BUD13: variants seen among roughly 807,000 people sequenced by gnomAD.
BUD13 encodes BUD13 spliceosome associated protein.
In BUD13, 47 loss-of-function variants were observed where a neutral mutation model predicts 62.5. That is an observed-to-expected ratio of 0.75 (90% CI 0.60 to 0.96). The LOEUF is 0.96. Ranked by LOEUF, BUD13 falls within the 40% of genes least tolerant of loss-of-function variation. The probability of loss-of-function intolerance (pLI) is 0.00; values close to 1 mark genes in which losing one functional copy is unlikely to be tolerated. For missense variants in BUD13, 821 were observed against 790.9 expected (o/e 1.04, Z -0.46); for synonymous variants, 293 against 280.1 (o/e 1.05, Z -0.46).
intron 3 of BUD13, among the ~76,000 whole-genome samples, chr11:116,764,937 A>G (rs1310815514): frequency 6.6e-6 from 1 of 152,162 alleles, no homozygotes; most frequent in East Asian, 1.9e-4. Flanking sequence ...ACTAACACAA[A>G]CAGAACAAAA....
At chr11:116,772,790 C>T (rs749338680) in intron 1 of BUD13, 32 bp downstream of exon 1, 2 of 1,507,906 alleles carry the variant, frequency 1.3e-6, no homozygotes, top group Admixed American at 2.0e-5. Context: ...GGCTAGACGT[C>T]GCAGGCCCCG....
chr11:116,761,354 GA>G (rs1414115736), intron 4 of BUD13, among the ~76,000 whole-genome samples: 1 of 152,120 alleles, frequency 6.6e-6, no homozygotes, highest in African/African-American at 2.4e-5. Flanking sequence ...CCTGGCCAAA[GA>G]GTTCTTTAAT....
chr11:116,768,723 G>GC (rs968841124), intron 2 of BUD13, among the ~76,000 whole-genome samples: 18 of 151,766 alleles, frequency 1.2e-4, no homozygotes, highest in Non-Finnish European at 2.6e-4. Context: ...CTGGGAATTG[G>GC]CCAGGTGCAG....
chr11:116,752,507 C>T (rs1325415845), intron 9 of BUD13, among the ~76,000 whole-genome samples: 1 of 149,244 alleles, frequency 6.7e-6, no homozygotes, highest in East Asian at 2.0e-4. Flanking sequence ...TAAAAAAAAA[C>T]TAGGTCAGGG....
At chr11:116,759,734 G>A (rs958636379) in intron 5 of BUD13, among the ~76,000 whole-genome samples, 12 of 152,178 alleles carry the variant, frequency 7.9e-5, no homozygotes, top group African/African-American at 2.7e-4. Flanking sequence ...ATATTAAGTT[G>A]TCCATGAACT....
intron 9 of BUD13, among the ~76,000 whole-genome samples, chr11:116,755,950 T>C (rs1045083646): frequency 3.9e-5 from 6 of 152,156 alleles, no homozygotes; most frequent in African/African-American, 1.2e-4. Flanking sequence ...GGCTCAAGCG[T>C]GTAATCCCAG....
chr11:116,757,334 T>G, intron 8 of BUD13, 107 bp from the exon 9 acceptor site: 1 of 1,011,796 alleles, frequency 9.9e-7, no homozygotes, highest in Non-Finnish European at 1.5e-6. Context: ...CTCACTCTGT[T>G]GCCCAGGCTG....
At chr11:116,754,114 C>T (rs1940285925) in intron 9 of BUD13, among the ~76,000 whole-genome samples, 1 of 152,222 alleles carries the variant, frequency 6.6e-6, no homozygotes, top group Non-Finnish European at 1.5e-5. Context: ...GGTGCAATCA[C>T]AGCACATTGC....
intron 4 of BUD13, among the ~76,000 whole-genome samples, chr11:116,762,130 C>T (rs1027335101): frequency 8.5e-5 from 13 of 152,078 alleles, no homozygotes; most frequent in African/African-American, 2.9e-4. Context: ...AGGAAGACTA[C>T]GTTAAGAAAG....
At chr11:116,750,845 G>A (rs573445868) in intron 9 of BUD13, among the ~76,000 whole-genome samples, 5 of 152,226 alleles carry the variant, frequency 3.3e-5, no homozygotes, top group African/African-American at 4.8e-5. Flanking sequence ...CTGTGATCAC[G>A]GTCTGCCAAC....
Position 116,758,201 on chromosome 11 carries a change from C to G in BUD13, c.1499+68G>C. On this transcript the variant is annotated intron_variant, in intron 7 of 9. Coordinates refer to ENST00000260210, the MANE Select transcript of BUD13 (RefSeq NM_032725.4). Reference sequence around the variant, plus strand: ...AAGGCATAATAAGAAAGTGAGTGATCAGAAGAGCAGAGAAATGACTTGTTC... The same window carrying G: ...AAGGCATAATAAGAAAGTGAGTGATGAGAAGAGCAGAGAAATGACTTGTTC... 1.9e-6 allele frequency: 3 copies of G among 1,587,864 alleles called. No homozygotes were observed. The South Asian group carries it at 3.4e-5, about 18-fold the overall frequency.
chr11:116,749,438 G>A (rs1401905345), intron 9 of BUD13, among the ~76,000 whole-genome samples: 1 of 152,182 alleles, frequency 6.6e-6, no homozygotes. Flanking sequence ...GGTGACATGA[G>A]GGTTGGGCAA....
chr11:116,757,681 C>G (rs1372203266), intron 8 of BUD13, 85 bp downstream of exon 8: 3 of 1,347,466 alleles, frequency 2.2e-6, no homozygotes, highest in Non-Finnish European at 3.1e-6. Flanking sequence ...TTGGGAAATC[C>G]TTCTTTGCAT....
intron 5 of BUD13, among the ~76,000 whole-genome samples, chr11:116,760,401 T>C (rs959123221): frequency 6.6e-6 from 1 of 152,254 alleles, no homozygotes; most frequent in African/African-American, 2.4e-5. Context: ...TTTGACACAA[T>C]GCTTGTGCTC....
At chr11:116,751,148 C>T (rs1488043372) in intron 9 of BUD13, among the ~76,000 whole-genome samples, 1 of 152,212 alleles carries the variant, frequency 6.6e-6, no homozygotes, top group Non-Finnish European at 1.5e-5. Flanking sequence ...TCTATAGTAA[C>T]ACTAACCAAA....
chr11:116,760,136 C>T (rs1269011225), intron 5 of BUD13, among the ~76,000 whole-genome samples: 8 of 152,172 alleles, frequency 5.3e-5, no homozygotes, highest in Non-Finnish European at 1.2e-4. Context: ...AAGTGCCTCT[C>T]CTTAAGCTCT....
At position 116,758,304 on chromosome 11, in the gene BUD13, T is replaced by A. The variant is rs1480306356; in HGVS notation, c.1464A>T (p.Ser488=). Residue 488 remains serine, a synonymous_variant, in exon 7 of 10, where the codon TCA becomes TCT. Transcript: ENST00000260210. The part of the protein sequence containing the change: ...LEQRRKAEKD[S]ERDELYAQWG... ...ACTGGGCATACAGCTCATCTCTCTC[T>A]GAGTCCTTTTCTGCTTTCCTCCTTT... 1 of 1,614,120 alleles carries A rather than the reference T, an allele frequency of 6.2e-7. No individual in the cohort carries two copies. The highest frequency in any genetic ancestry group is 8.5e-7 in the Non-Finnish European group (1 of 1,180,046).
At chr11:116,772,163 A>G (rs1223681150) in intron 1 of BUD13, among the ~76,000 whole-genome samples, 4 of 152,140 alleles carry the variant, frequency 2.6e-5, no homozygotes, top group African/African-American at 7.2e-5. Flanking sequence ...TTACATCTCC[A>G]AAGACCCTAT....
intron 1 of BUD13, 43 bp downstream of exon 1, chr11:116,772,779 T>C: frequency 6.8e-7 from 1 of 1,472,264 alleles, no homozygotes; most frequent in South Asian, 1.3e-5. Context: ...TGGGAAGGGG[T>C]GGCTAGACGT....
Sources: allele counts gnomAD v4.1 joint callset (sites outside exome capture counted in the v4.1 genomes callset), GRCh38; gene constraint gnomAD v4.1.1; transcripts MANE v1.5; gene names NCBI Gene and HGNC (gene_info 2026-07-23, HGNC 2026-07-21).